The following EIF3H variants were observed in gnomAD, a reference collection of about 807,000 sequenced individuals.
EIF3H encodes the protein eIF-3-gamma.
In EIF3H, 26 loss-of-function variants were observed where a neutral mutation model predicts 44.2. That is an observed-to-expected ratio of 0.59 (90% confidence interval 0.43 to 0.82). The LOEUF is 0.82. EIF3H is among the 40% of genes least tolerant of loss of function. The pLI is 0.00. For synonymous variants in EIF3H, 166 were observed against 151.9 expected (o/e 1.09, Z -0.68); for missense variants, 359 against 432.8 (o/e 0.83, Z 1.51).
At chr8:116,747,212 G>A (rs979583386) in intron 1 of EIF3H, among the ~76,000 whole-genome samples, 18 of 152,004 alleles carry the variant, frequency 1.2e-4, no homozygotes, top group Non-Finnish European at 2.2e-4. Flanking sequence ...ACAGGCATCC[G>A]CCATCATGCC....
intron 2 of EIF3H, among the ~76,000 whole-genome samples, chr8:116,692,444 T>C (rs1814195582): frequency 6.6e-6 from 1 of 152,228 alleles, no homozygotes; most frequent in Non-Finnish European, 1.5e-5. Context: ...AAAGACCAAT[T>C]AAATCTTCTA....
At chr8:116,668,096 T>G (rs1400235324) in intron 2 of EIF3H, among the ~76,000 whole-genome samples, 2 of 152,240 alleles carry the variant, frequency 1.3e-5, no homozygotes, top group East Asian at 3.8e-4. Flanking sequence ...CAATTGTGAC[T>G]ACTTCTCCAA....
At chr8:116,718,025 C>T (rs758260001) in intron 2 of EIF3H, among the ~76,000 whole-genome samples, 19 of 151,782 alleles carry the variant, frequency 1.3e-4, no homozygotes, top group Non-Finnish European at 2.6e-4. Flanking sequence ...GAATCTACAA[C>T]GAACTCAAAC....
intron 1 of EIF3H, among the ~76,000 whole-genome samples, chr8:116,763,556 G>T (rs1563666227): frequency 6.6e-6 from 1 of 152,126 alleles, no homozygotes; most frequent in Non-Finnish European, 1.5e-5. Context: ...TCACAGTAAG[G>T]CATTCCATGA....
intron 2 of EIF3H, among the ~76,000 whole-genome samples, chr8:116,719,600 A>C (rs756267430): frequency 2.0e-5 from 3 of 152,204 alleles, no homozygotes; most frequent in Non-Finnish European, 2.9e-5. Flanking sequence ...AGGGTTGAGG[A>C]GTAAATGGTT....
At chr8:116,696,700 GT>G (rs1166469637) in intron 2 of EIF3H, among the ~76,000 whole-genome samples, 3 of 151,080 alleles carry the variant, frequency 2.0e-5, no homozygotes, top group Non-Finnish European at 3.0e-5. Flanking sequence ...AATAGTGGGG[GT>G]TTTTTTTTGT....
intron 2 of EIF3H, among the ~76,000 whole-genome samples, chr8:116,662,002 T>G (rs965301075): frequency 2.6e-5 from 4 of 152,314 alleles, no homozygotes; most frequent in African/African-American, 9.6e-5. Flanking sequence ...CATTTCCTCT[T>G]CCATGGTTTA....
chr8:116,649,594 C>T (rs920446224), intron 5 of EIF3H, among the ~76,000 whole-genome samples: 4 of 152,244 alleles, frequency 2.6e-5, no homozygotes, highest in African/African-American at 4.8e-5. Context: ...ACCATGGTAA[C>T]GCCTGGACAG....
At chr8:116,660,349 G>T (rs1238814515) in intron 2 of EIF3H, among the ~76,000 whole-genome samples, 1 of 152,136 alleles carries the variant, frequency 6.6e-6, no homozygotes, top group Non-Finnish European at 1.5e-5. Flanking sequence ...GTTTTACAAA[G>T]CCTACAAGAC....
intron 5 of EIF3H, among the ~76,000 whole-genome samples, chr8:116,651,147 A>G (rs1334105277): frequency 6.6e-6 from 1 of 152,210 alleles, no homozygotes; most frequent in Non-Finnish European, 1.5e-5. Flanking sequence ...TAAATGGTCA[A>G]TTTTTTCTCT....
intron 5 of EIF3H, among the ~76,000 whole-genome samples, chr8:116,653,627 T>C (rs1469165219): frequency 6.6e-6 from 1 of 152,174 alleles, no homozygotes; most frequent in Non-Finnish European, 1.5e-5. Flanking sequence ...TATCAATTTA[T>C]GCTTATAATC....
intron 2 of EIF3H, among the ~76,000 whole-genome samples, chr8:116,722,990 G>A (rs941867521): frequency 2.0e-5 from 3 of 152,132 alleles, no homozygotes; most frequent in Non-Finnish European, 2.9e-5. Context: ...CTTCAAGCTC[G>A]TAAAAGAAGT....
intron 2 of EIF3H, among the ~76,000 whole-genome samples, chr8:116,678,164 T>A (rs1401028076): frequency 6.8e-6 from 1 of 146,184 alleles, no homozygotes; most frequent in Admixed American, 6.7e-5. Flanking sequence ...TGGTTTTCGT[T>A]TTTTTTTTTT....
At chr8:116,669,704 G>A (rs1813723100) in intron 2 of EIF3H, among the ~76,000 whole-genome samples, 1 of 152,128 alleles carries the variant, frequency 6.6e-6, no homozygotes, top group Non-Finnish European at 1.5e-5. Context: ...AAAGCCTGAG[G>A]AATATAATTT....
intron 1 of EIF3H, among the ~76,000 whole-genome samples, chr8:116,750,248 TA>T (rs560635161): frequency 2.6e-5 from 4 of 152,262 alleles, no homozygotes; most frequent in African/African-American, 9.6e-5. Context: ...GGAGAATTTT[TA>T]AAAAAACAGA....
intron 1 of EIF3H, among the ~76,000 whole-genome samples, chr8:116,743,804 AC>A (rs1563659981): frequency 0.03 from 716 of 23,726 alleles, 5 homozygotes; most frequent in Middle Eastern, 0.08. Flanking sequence ...ATATAAACAC[AC>A]ACACACACAC....
At position 116,755,575 on chromosome 8, in the gene EIF3H, C is replaced by G. The variant is rs1815426617; in HGVS notation, c.132+91G>C. On this transcript the variant is annotated intron_variant, in intron 1 of 7. Coordinates refer to ENST00000521861, the MANE Select transcript of EIF3H (RefSeq NM_003756.3). ...AACTTTGGCCCAGCCACACCAAGCC[C>G]AAGGGGGAGAATGCTAGAAAGTACG... is the stretch of plus-strand genomic sequence containing the variant. 2.6e-6 allele frequency: 4 copies of G among 1,564,708 alleles called. No individual in the cohort carries two copies. The African/African-American group carries it at 4.1e-5, about 16-fold the overall frequency.
intron 2 of EIF3H, among the ~76,000 whole-genome samples, chr8:116,698,172 A>T (rs1310847258): frequency 6.6e-6 from 1 of 151,860 alleles, no homozygotes. Context: ...AGGCAAAGTA[A>T]TTATAAAAGC....
At chr8:116,656,029 T>C in intron 4 of EIF3H, 24 bp from the exon 5 acceptor site, 1 of 1,609,960 alleles carries the variant, frequency 6.2e-7, no homozygotes, top group Non-Finnish European at 8.5e-7. Flanking sequence ...TAAAAATACT[T>C]TAGTCTGATG....
Sources: gnomAD v4.1 joint callset for allele counts (sites outside exome capture counted in the v4.1 genomes callset) on GRCh38, gnomAD v4.1.1 for gene constraint, MANE v1.5 for transcripts, NCBI Gene and HGNC (gene_info 2026-07-23, HGNC 2026-07-21) for gene names.